KCNMA1: variants seen among roughly 807,000 people sequenced by gnomAD.
KCNMA1 encodes potassium calcium-activated channel subfamily M alpha 1.
In KCNMA1, 29 loss-of-function variants were observed where a neutral mutation model predicts 140.0. The ratio of observed to expected loss-of-function variants is 0.21; its 90% CI spans 0.15 to 0.28. The LOEUF (loss-of-function observed/expected upper bound fraction) is 0.28. Ranked by LOEUF, KCNMA1 falls within the 10% of genes least tolerant of loss-of-function variation. The probability of loss-of-function intolerance (pLI) is 1.00; values close to 1 mark genes in which losing one functional copy is unlikely to be tolerated. For missense variants in KCNMA1, 880 were observed against 1,602.2 expected, an observed-to-expected ratio of 0.55 and a Z score of 7.70; for synonymous variants, 612 against 611.9, an observed-to-expected ratio of 1.00 and a Z score of 0.00.
chr10:77,201,357 C>T (rs1244881039), intron 3 of KCNMA1, among the ~76,000 whole-genome samples: 1 of 152,150 alleles, frequency 6.6e-6, no homozygotes, highest in Non-Finnish European at 1.5e-5. Context: ...TTCCATGAAG[C>T]CAGGCCAAGT....
chr10:77,068,698 T>TGTGTGTG (rs139450755), intron 14 of KCNMA1, among the ~76,000 whole-genome samples: 1 of 132,576 alleles, frequency 7.5e-6, no homozygotes, highest in Admixed American at 7.7e-5. Context: ...GTTCCAGGTT[T>TGTGTGTG]TGTGTGTGTG....
intron 2 of KCNMA1, among the ~76,000 whole-genome samples, chr10:77,366,146 T>C (rs3125430): frequency 5.3e-5 from 8 of 150,558 alleles, no homozygotes; most frequent in East Asian, 2.0e-4. Flanking sequence ...CTCTCTCTCT[T>C]TCTCTTTCTT....
intron 1 of KCNMA1, among the ~76,000 whole-genome samples, chr10:77,523,212 C>A (rs964614950): frequency 6.6e-6 from 1 of 150,382 alleles, no homozygotes; most frequent in African/African-American, 2.5e-5. Context: ...TGCCCCCCCC[C>A]CTTGCAATCA....
At chr10:77,319,717 G>T (rs2081834546) in intron 2 of KCNMA1, among the ~76,000 whole-genome samples, 1 of 152,204 alleles carries the variant, frequency 6.6e-6, no homozygotes, top group Non-Finnish European at 1.5e-5. Context: ...GACACTTCTG[G>T]ATGGAAGCTC....
At chr10:77,572,569 C>CTATCTATAT (rs2071879711) in intron 1 of KCNMA1, among the ~76,000 whole-genome samples, 3 of 37,566 alleles carry the variant, frequency 8.0e-5, no homozygotes, top group African/African-American at 2.2e-4. Context: ...AAAAAAAATC[C>CTATCTATAT]ATATATATAT....
At chr10:77,137,134 TG>T (rs77556286) in intron 5 of KCNMA1, among the ~76,000 whole-genome samples, 1 of 34,814 alleles carries the variant, frequency 2.9e-5, no homozygotes, top group African/African-American at 1.3e-4. Flanking sequence ...ACTCATTCAC[TG>T]CTTCAGGGTT....
At chr10:77,152,783 C>A (rs1319433380) in intron 5 of KCNMA1, among the ~76,000 whole-genome samples, 1 of 152,214 alleles carries the variant, frequency 6.6e-6, no homozygotes, top group Non-Finnish European at 1.5e-5. Flanking sequence ...CAGGTAAGGG[C>A]AAGCGGGTCT....
At chr10:77,351,657 T>C (rs1364370438) in intron 2 of KCNMA1, among the ~76,000 whole-genome samples, 1 of 152,236 alleles carries the variant, frequency 6.6e-6, no homozygotes, top group Non-Finnish European at 1.5e-5. Flanking sequence ...AGTCTGAGTA[T>C]ATGAATTAGA....
At chr10:77,524,798 T>A (rs1455748226) in intron 1 of KCNMA1, among the ~76,000 whole-genome samples, 1 of 152,132 alleles carries the variant, frequency 6.6e-6, no homozygotes, top group Non-Finnish European at 1.5e-5. Flanking sequence ...GAGAGCCACC[T>A]AGCTGGTAAG....
intron 1 of KCNMA1, among the ~76,000 whole-genome samples, chr10:77,520,934 C>T (rs924102333): frequency 6.6e-6 from 1 of 152,210 alleles, no homozygotes; most frequent in African/African-American, 2.4e-5. Context: ...TGGAAGACAT[C>T]AAAATTCCAA....
chr10:77,025,960 C>A (rs2093409221), intron 16 of KCNMA1, among the ~76,000 whole-genome samples: 1 of 139,992 alleles, frequency 7.1e-6, no homozygotes. Context: ...CAAACAAAGC[C>A]AAACAAGTCC....
chr10:77,190,681 A>T (rs1468069382), intron 3 of KCNMA1, among the ~76,000 whole-genome samples: 6 of 152,126 alleles, frequency 3.9e-5, no homozygotes, highest in African/African-American at 1.2e-4. Flanking sequence ...GATGTATTCA[A>T]CCTGTACCTA....
At chr10:77,606,975 T>G (rs1206658671) in intron 1 of KCNMA1, among the ~76,000 whole-genome samples, 1 of 152,110 alleles carries the variant, frequency 6.6e-6, no homozygotes, top group Non-Finnish European at 1.5e-5. Flanking sequence ...TCAGTTTGCC[T>G]CCAATAAGCC....
intron 3 of KCNMA1, among the ~76,000 whole-genome samples, chr10:77,238,701 C>T (rs527332871): frequency 2.4e-4 from 36 of 152,320 alleles, no homozygotes; most frequent in Admixed American, 1.9e-3. Context: ...GCTTAACCTT[C>T]GGGTTTGAAG....
chr10:77,101,246 C>A (rs138505162), intron 9 of KCNMA1, among the ~76,000 whole-genome samples: 1 of 152,056 alleles, frequency 6.6e-6, no homozygotes, highest in Admixed American at 6.5e-5. Flanking sequence ...TAATGACAAG[C>A]GCTTTGGGTA....
intron 13 of KCNMA1, among the ~76,000 whole-genome samples, chr10:77,076,267 G>C (rs144131652): frequency 1.3e-5 from 2 of 152,230 alleles, no homozygotes; most frequent in African/African-American, 4.8e-5. Context: ...TAGAGTCTTT[G>C]GGAAAAATAA....
chr10:77,228,429 C>T (rs953221926), intron 3 of KCNMA1, among the ~76,000 whole-genome samples: 1 of 152,054 alleles, frequency 6.6e-6, no homozygotes, highest in Admixed American at 6.6e-5. Flanking sequence ...TATACATGAT[C>T]GAGAAGAGCA....
intron 3 of KCNMA1, among the ~76,000 whole-genome samples, chr10:77,222,706 C>A (rs2050074193): frequency 6.6e-6 from 1 of 152,206 alleles, no homozygotes; most frequent in Non-Finnish European, 1.5e-5. Flanking sequence ...AACAGGCCAA[C>A]AGAACGCAGG....
At position 77,242,508 on chromosome 10, in the gene KCNMA1, A is replaced by G. The variant is rs2057516429; in HGVS notation, c.602+8687T>C. ...GTTATAGCATCCAGCTATCTTTTCA[A>G]CTCCTCAACCTTCAGCACTTACTGT... On this transcript the variant is annotated intron_variant, in intron 3 of 27. Transcript: ENST00000286628. 2.6e-5 allele frequency among the ~76,000 whole-genome samples: 4 copies of G among 152,030 alleles called. No homozygotes were observed. The South Asian group carries it at 6.2e-4, about 24-fold the overall frequency.
Sources: gnomAD v4.1 joint callset for allele counts (sites outside exome capture counted in the v4.1 genomes callset) on GRCh38, gnomAD v4.1.1 for gene constraint, MANE v1.5 for transcripts, NCBI Gene and HGNC (gene_info 2026-07-23, HGNC 2026-07-21) for gene names.